Variants in AGBL1 observed in about 807,000 individuals in gnomAD.
AGBL1 encodes cytosolic carboxypeptidase 4.
In AGBL1, 130 loss-of-function variants were observed where a neutral mutation model predicts 118.9. The ratio of observed to expected loss-of-function variants is 1.09; its 90% confidence interval spans 0.95 to 1.26. The LOEUF is 1.26. Ranked by LOEUF, AGBL1 falls within the 50% of genes most tolerant of loss-of-function variation. The pLI, the probability that AGBL1 is intolerant of heterozygous loss-of-function variation, is 0.00. For missense variants in AGBL1, 1,584 were observed against 1,298.1 expected (o/e 1.22, Z -3.38); for synonymous variants, 555 against 478.9 (o/e 1.16, Z -2.08).
intron 18 of AGBL1, among the ~76,000 whole-genome samples, chr15:86,434,503 C>T (rs2081976354): frequency 6.6e-6 from 1 of 152,196 alleles, no homozygotes; most frequent in African/African-American, 2.4e-5. Context: ...TTATGGGATG[C>T]ACCCATTACT....
intron 21 of AGBL1, among the ~76,000 whole-genome samples, chr15:86,671,283 C>T (rs2085742085): frequency 6.6e-6 from 1 of 152,134 alleles, no homozygotes; most frequent in Admixed American, 6.6e-5. Flanking sequence ...AACAAACAAA[C>T]AAACAGGAGA....
At chr15:86,293,684 T>C (rs2079585642) in intron 16 of AGBL1, among the ~76,000 whole-genome samples, 1 of 152,216 alleles carries the variant, frequency 6.6e-6, no homozygotes, top group Non-Finnish European at 1.5e-5. Context: ...TCTTACCATA[T>C]CTGTAGTAAG....
chr15:86,300,850 T>C (rs17604355), intron 17 of AGBL1, among the ~76,000 whole-genome samples: 6,242 of 152,312 alleles, frequency 0.041, 161 homozygotes, highest in South Asian at 0.075. Flanking sequence ...AGCTTTTCCT[T>C]GGAAGACAAT....
intron 5 of AGBL1, among the ~76,000 whole-genome samples, chr15:86,218,747 T>C (rs1216816711): frequency 6.6e-6 from 1 of 152,128 alleles, no homozygotes; most frequent in East Asian, 1.9e-4. Context: ...AAATGCAGAG[T>C]GGTCTTACTG....
At chr15:86,481,732 A>C (rs2082653710) in intron 18 of AGBL1, among the ~76,000 whole-genome samples, 1 of 152,056 alleles carries the variant, frequency 6.6e-6, no homozygotes, top group South Asian at 2.1e-4. Context: ...CCTGTTTTGC[A>C]CTTTATTTTC....
chr15:86,333,810 G>A (rs1811752884), intron 17 of AGBL1, among the ~76,000 whole-genome samples: 1 of 152,156 alleles, frequency 6.6e-6, no homozygotes, highest in South Asian at 2.1e-4. Flanking sequence ...GCTGAACCCA[G>A]AAGCACATCC....
At position 86,706,350 on chromosome 15, in the gene AGBL1, A is replaced by C. The variant is rs150821997; in HGVS notation, c.3158+31914A>C. On this transcript the variant is annotated intron_variant, in intron 22 of 22. Transcript: ENST00000614907. ...AAGTGGTAAAAAAGAAAAAGCTTGG[A>C]AAAGCTCTATTTAATAAAAAATCAT... 3.0e-3 allele frequency among the ~76,000 whole-genome samples: 452 copies of C among 152,214 alleles called. 2 individuals are homozygous for C. Among genetic ancestry groups the C allele is most frequent in the African/African-American group, 0.01 (418 of 41,560 alleles).
At chr15:86,750,500 C>T (rs2077833518) in intron 22 of AGBL1, among the ~76,000 whole-genome samples, 1 of 151,154 alleles carries the variant, frequency 6.6e-6, no homozygotes, top group Non-Finnish European at 1.5e-5. Flanking sequence ...ATTTAACAAG[C>T]AATTGTAGTT....
intron 9 of AGBL1, among the ~76,000 whole-genome samples, chr15:86,262,451 C>T (rs2079007087): frequency 6.6e-6 from 1 of 152,046 alleles, no homozygotes; most frequent in African/African-American, 2.4e-5. Context: ...TACAATGATG[C>T]TGACGATAGT....
chr15:86,884,811 C>CG (rs1441717567), intron 22 of AGBL1, among the ~76,000 whole-genome samples: 1 of 134,638 alleles, frequency 7.4e-6, no homozygotes, highest in African/African-American at 3.1e-5. Flanking sequence ...GACCTTGTGT[C>CG]AAAAACAAAC....
chr15:86,940,060 C>CTTTTTTTTTTTTTTT (rs5814267), intron 23 of AGBL1, among the ~76,000 whole-genome samples: 1 of 59,454 alleles, frequency 1.7e-5, no homozygotes, highest in Non-Finnish European at 3.1e-5. Context: ...TTTGGTAGTC[C>CTTTTTTTTTTTTTTT]TTTTTTTTTT....
intron 21 of AGBL1, among the ~76,000 whole-genome samples, chr15:86,670,462 G>C (rs1199567187): frequency 1.3e-5 from 2 of 151,648 alleles, no homozygotes; most frequent in Non-Finnish European, 2.9e-5. Flanking sequence ...AAATTAGCTG[G>C]GTGTGGTGGC....
chr15:86,948,732 G>A (rs2080850272), intron 23 of AGBL1, among the ~76,000 whole-genome samples: 1 of 152,350 alleles, frequency 6.6e-6, no homozygotes, highest in South Asian at 2.1e-4. Flanking sequence ...ACTGCAATGA[G>A]CAGAGTGCCA....
chr15:87,021,490 CAT>C (rs1356187564), intron 24 of AGBL1, among the ~76,000 whole-genome samples: 1 of 131,118 alleles, frequency 7.6e-6, no homozygotes, highest in African/African-American at 3.0e-5. Context: ...CAAAAATTGA[CAT>C]ATGGAATCTA....
At chr15:86,277,439 A>G (rs1302002818) in intron 15 of AGBL1, among the ~76,000 whole-genome samples, 1 of 152,142 alleles carries the variant, frequency 6.6e-6, no homozygotes, top group Non-Finnish European at 1.5e-5. Context: ...CTCAAGAGCT[A>G]AGGATTAGCC....
chr15:86,453,850 T>A (rs1221033570), intron 18 of AGBL1, among the ~76,000 whole-genome samples: 1 of 152,246 alleles, frequency 6.6e-6, no homozygotes, highest in Non-Finnish European at 1.5e-5. Context: ...GTAGTATTTT[T>A]AAAATATCAT....
chr15:86,389,887 G>A (rs1451171318), intron 17 of AGBL1, among the ~76,000 whole-genome samples: 1 of 151,914 alleles, frequency 6.6e-6, no homozygotes, highest in Non-Finnish European at 1.5e-5. Context: ...CAAATGGAGA[G>A]CAAATATTAA....
At chr15:86,692,968 A>G (rs1476829977) in intron 22 of AGBL1, among the ~76,000 whole-genome samples, 1 of 152,136 alleles carries the variant, frequency 6.6e-6, no homozygotes, top group Admixed American at 6.6e-5. Flanking sequence ...GTAGTATTCC[A>G]TTCCATATAG....
chr15:86,437,190 A>T (rs2082010089), intron 18 of AGBL1, among the ~76,000 whole-genome samples: 1 of 152,208 alleles, frequency 6.6e-6, no homozygotes, highest in Non-Finnish European at 1.5e-5. Flanking sequence ...AATAAGAAAG[A>T]CTGAGAATAA....
Sources: gnomAD v4.1 joint callset for allele counts (sites outside exome capture counted in the v4.1 genomes callset) on GRCh38, gnomAD v4.1.1 for gene constraint, MANE v1.5 for transcripts, NCBI Gene and HGNC (gene_info 2026-07-23, HGNC 2026-07-21) for gene names.